WDR7: variants seen among roughly 807,000 people sequenced by gnomAD.
WDR7 encodes the protein WD repeat-containing protein 7.
In WDR7, 46 loss-of-function variants were observed where a neutral mutation model predicts 169.4. The ratio of observed to expected loss-of-function variants is 0.27; its 90% CI spans 0.21 to 0.35. The LOEUF (loss-of-function observed/expected upper bound fraction) is 0.35, where lower values mean the gene tolerates loss of function less well. WDR7 is among the 10% of genes least tolerant of loss of function. The probability of loss-of-function intolerance (pLI) is 1.00; values close to 1 mark genes in which losing one functional copy is unlikely to be tolerated. For synonymous variants in WDR7, 612 were observed against 666.8 expected (o/e 0.92, Z 1.27); for missense variants, 1,534 against 1,859.3 (o/e 0.83, Z 3.22).
chr18:56,988,599 G>A (rs1205247040), intron 26 of WDR7, among the ~76,000 whole-genome samples: 1 of 117,946 alleles, frequency 8.5e-6, no homozygotes, highest in Non-Finnish European at 1.9e-5. Flanking sequence ...AAGTGTGTGT[G>A]TGTGTGTGTG....
At chr18:57,003,646 T>G (rs1221896986) in intron 26 of WDR7, among the ~76,000 whole-genome samples, 5 of 152,124 alleles carry the variant, frequency 3.3e-5, no homozygotes, top group African/African-American at 1.2e-4. Flanking sequence ...AGATGCAAAA[T>G]GTAATGATTT....
At chr18:56,794,304 A>ATTTTTTTTTTT (rs566857049) in intron 19 of WDR7, among the ~76,000 whole-genome samples, 2,407 of 49,356 alleles carry the variant, frequency 0.049, 864 homozygotes, top group Non-Finnish European at 0.068. Context: ...GGTAAAGTCT[A>ATTTTTTTTTTT]TTTTTTTTTT....
At chr18:56,862,214 T>G (rs1327503522) in intron 20 of WDR7, among the ~76,000 whole-genome samples, 1 of 151,948 alleles carries the variant, frequency 6.6e-6, no homozygotes, top group East Asian at 1.9e-4. Context: ...ATACTTTATT[T>G]TTTAATGTGA....
At chr18:56,716,030 AGTGT>A (rs10572330) in intron 12 of WDR7, among the ~76,000 whole-genome samples, 3,137 of 146,624 alleles carry the variant, frequency 0.021, 79 homozygotes, top group African/African-American at 0.054. Context: ...CATACGTAGC[AGTGT>A]GTGTGTGTGT....
Position 56,756,938 on chromosome 18 carries a change from C to G in WDR7, c.2345C>G (p.Ser782Cys), listed in dbSNP as rs2043900840. 2 of 1,613,920 alleles carry G rather than the reference C, an allele frequency of 1.2e-6. No homozygotes were observed. Among genetic ancestry groups the G allele is most frequent in the South Asian group, 1.1e-5 (1 of 91,070 alleles). The change falls in exon 15 of 28, where the codon TCC becomes TGC. Residue 782 changes from serine (S) to cysteine (C), a missense_variant. Ser to Cys is a moderately radical substitution (Grantham distance 112). Transcript: ENST00000254442. ...RREESDPEYR[S>C]SKSKPLTLLE... Reference sequence around the variant, plus strand: ...GAAGAAAGTGATCCTGAATATCGGTCCAGCAAATCAAAGCCATTGACCCTA... The same window carrying G: ...GAAGAAAGTGATCCTGAATATCGGTGCAGCAAATCAAAGCCATTGACCCTA...
intron 13 of WDR7, among the ~76,000 whole-genome samples, chr18:56,725,956 A>G (rs959798566): frequency 2.8e-4 from 43 of 152,240 alleles, no homozygotes; most frequent in African/African-American, 8.4e-4. Context: ...TCAAAGATCA[A>G]ATAGTTGTAG....
intron 5 of WDR7, 53 bp from the exon 6 acceptor site, chr18:56,685,903 A>G (rs2025433650): frequency 1.4e-6 from 2 of 1,392,126 alleles, no homozygotes; most frequent in South Asian, 1.3e-5. Flanking sequence ...ATATTTAGAA[A>G]AAGCGTATTA....
intron 14 of WDR7, chr18:56,753,333 A>G (rs192241569): frequency 3.3e-5 from 5 of 152,218 alleles, no homozygotes; most frequent in Non-Finnish European, 7.3e-5. Flanking sequence ...AGCCAATTTT[A>G]TATAATTTTC....
intron 26 of WDR7, among the ~76,000 whole-genome samples, chr18:56,975,412 G>A (rs1568295802): frequency 6.6e-6 from 1 of 152,076 alleles, no homozygotes. Context: ...TATGCCTGAA[G>A]CAAAGGTTGC....
intron 12 of WDR7, among the ~76,000 whole-genome samples, chr18:56,697,921 C>T (rs1040555303): frequency 1.3e-5 from 2 of 152,048 alleles, no homozygotes; most frequent in African/African-American, 2.4e-5. Flanking sequence ...GGGCCAGGTG[C>T]GATGGCTCAA....
At chr18:56,767,997 A>G (rs1351548238) in intron 16 of WDR7, among the ~76,000 whole-genome samples, 1 of 152,192 alleles carries the variant, frequency 6.6e-6, no homozygotes, top group Non-Finnish European at 1.5e-5. Context: ...CCTCCTCATC[A>G]TCTTCATTAT....
At chr18:56,694,508 C>A in intron 9 of WDR7, 111 bp from the exon 10 acceptor site, 1 of 1,065,010 alleles carries the variant, frequency 9.4e-7, no homozygotes. Flanking sequence ...AACACTTTTT[C>A]AACTTGGCTA....
intron 19 of WDR7, 168 bp downstream of exon 19, chr18:56,781,824 T>G: frequency 1.2e-6 from 1 of 810,494 alleles, no homozygotes; most frequent in Non-Finnish European, 1.7e-6. Flanking sequence ...TCTCTGTAGT[T>G]TGGAACTTGC....
At chr18:56,830,273 T>C (rs943414409) in intron 20 of WDR7, among the ~76,000 whole-genome samples, 1 of 152,190 alleles carries the variant, frequency 6.6e-6, no homozygotes, top group African/African-American at 2.4e-5. Context: ...TTTATACTCT[T>C]ATGGGTTTTC....
intron 25 of WDR7, among the ~76,000 whole-genome samples, chr18:56,948,782 G>A (rs988343855): frequency 6.6e-5 from 10 of 152,106 alleles, no homozygotes; most frequent in African/African-American, 2.4e-4. Context: ...TCCCTGCTCT[G>A]TGCTCTTCAG....
intron 20 of WDR7, among the ~76,000 whole-genome samples, chr18:56,879,109 C>T (rs759554276): frequency 1.3e-5 from 2 of 152,116 alleles, no homozygotes; most frequent in Non-Finnish European, 2.9e-5. Context: ...TTTGTGTGTA[C>T]ATGTGTGTCA....
chr18:56,973,877 G>A (rs1010449329), intron 26 of WDR7, among the ~76,000 whole-genome samples: 3 of 152,166 alleles, frequency 2.0e-5, no homozygotes, highest in African/African-American at 7.2e-5. Context: ...CTCAGCCCCA[G>A]AAGTCGGTCA....
At chr18:56,663,846 T>A (rs1219659190) in intron 1 of WDR7, among the ~76,000 whole-genome samples, 2 of 151,960 alleles carry the variant, frequency 1.3e-5, no homozygotes, top group Non-Finnish European at 2.9e-5. Flanking sequence ...ATTAAAAAAA[T>A]TTTAAAGTCA....
At chr18:56,921,336 GT>G (rs1413598040) in intron 21 of WDR7, among the ~76,000 whole-genome samples, 1 of 152,182 alleles carries the variant, frequency 6.6e-6, no homozygotes, top group East Asian at 1.9e-4. Flanking sequence ...TGTGTGTAGA[GT>G]AGCCCATTTT....
Sources: gnomAD v4.1 joint callset for allele counts (sites outside exome capture counted in the v4.1 genomes callset) on GRCh38, gnomAD v4.1.1 for gene constraint, MANE v1.5 for transcripts, NCBI Gene and HGNC (gene_info 2026-07-23, HGNC 2026-07-21) for gene names.